The following GTF3C1 variants were observed in gnomAD, a reference collection of about 807,000 sequenced individuals.
GTF3C1 encodes general transcription factor 3C polypeptide 1.
GTF3C1 carries 57 observed loss-of-function variants against 226.7 expected under a neutral mutation model. The observed-to-expected ratio is 0.25, with a 90% CI of 0.20 to 0.31. GTF3C1 has a LOEUF of 0.31. GTF3C1 is among the 10% of genes least tolerant of loss of function. GTF3C1 has a pLI of 1.00. For synonymous variants in GTF3C1, 1,090 were observed against 1,084.8 expected (o/e 1.00, Z -0.09); for missense variants, 2,217 against 2,776.1 (o/e 0.80, Z 4.53).
chr16:27,531,162 C>T (rs1417332079), intron 5 of GTF3C1, among the ~76,000 whole-genome samples: 1 of 151,926 alleles, frequency 6.6e-6, no homozygotes, highest in Non-Finnish European at 1.5e-5. Context: ...CATTTCTACA[C>T]GGCCAGCAGC....
At chr16:27,478,426 A>T (rs372759760) in intron 28 of GTF3C1, 43 bp downstream of exon 28, 118 of 1,280,670 alleles carry the variant, frequency 9.2e-5, no homozygotes, top group Middle Eastern at 1.8e-4. Context: ...CCATCAAGTT[A>T]TTAAGCAGCT....
chr16:27,489,012 G>T (rs1382384565), intron 21 of GTF3C1, 31 bp downstream of exon 21: 1 of 1,605,570 alleles, frequency 6.2e-7, no homozygotes, highest in African/African-American at 1.3e-5. Flanking sequence ...GAGGACCCCT[G>T]AGATTGTAGT....
Position 27,483,054 on chromosome 16 carries a change from T to A in GTF3C1, c.4073A>T (p.Asp1358Val). The A allele has an allele frequency of 6.2e-7, 1 of 1,614,172 alleles. No homozygotes were observed. Residue 1358 changes from aspartate (D) to valine (V), a missense_variant, in exon 26 of 37, where the codon GAT becomes GTT. Physicochemically the swap from Asp to Val is radical, Grantham distance 152. This residue lies in a region of GTF3C1 where 546 missense variants were observed against 663.0 expected (regional missense o/e 0.82). Transcript: ENST00000356183. ...TCACACAGGACCTACCTTTGGGTCA[T>A]CATAGTCACCTCTTCGATTCATGAA... ...GDFMNRRGDY[D>V]DPKVCANEFK...
chr16:27,472,385 G>A (rs546655701), intron 29 of GTF3C1, among the ~76,000 whole-genome samples: 2 of 152,182 alleles, frequency 1.3e-5, no homozygotes, highest in East Asian at 3.9e-4. Context: ...TTCTCACCAT[G>A]GTCCCCAGCT....
Position 27,471,633 on chromosome 16 carries a change from T to C in GTF3C1, c.4526+115A>G, listed in dbSNP as rs931248173. On this transcript the variant is annotated intron_variant, in intron 30 of 36. Transcript: ENST00000356183. The surrounding 1 kb of genome is among the most constrained non-coding windows in gnomAD (Gnocchi z 5.0). ...CAAGCCGGCATCTTGCACATGAGGCTGCGAAGGTCCCTGGCTCCTACACGC... is the reference window on the plus strand; with the variant it reads ...CAAGCCGGCATCTTGCACATGAGGCCGCGAAGGTCCCTGGCTCCTACACGC... 1.0e-5 allele frequency: 8 copies of C among 788,538 alleles called. No homozygotes were observed. Among genetic ancestry groups the C allele is most frequent in the African/African-American group, 1.7e-5 (1 of 58,212 alleles). 48.8% of individuals were successfully genotyped at this position (788,538 alleles called of 1,614,324 possible).
chr16:27,494,963 G>T lies in GTF3C1; in HGVS notation c.2633-55C>A. The stretch of plus-strand genomic sequence containing the variant: ...CAGCCAGGATACCAGTCACCATGGT[G>T]ACACATGGTAACGTCATCTCCCAGG... On this transcript the variant is annotated intron_variant, in intron 15 of 36. Transcript: ENST00000356183. The T allele has an allele frequency of 1.2e-5, 18 of 1,504,556 alleles. No individual in the cohort carries two copies. The South Asian group carries it at 1.8e-4, about 15-fold the overall frequency. The allele number at this position is 1,504,556 out of a possible 1,614,324, so 93.2% of individuals were successfully genotyped here.
In GTF3C1 at chr16:27,494,757, CAAT is replaced by C. The variant is rs1194218477; in HGVS notation, c.2778+3_2778+5del. On this transcript the variant is annotated splice_donor_5th_base_variant and intron_variant, in intron 16 of 36. Coordinates refer to ENST00000356183, the MANE Select transcript of GTF3C1 (RefSeq NM_001520.4). ...TTCCTGTGATAATGGCTCCTGTCACCAATACCTTGTAGCTGACTTGCACAATCT... is the reference window on the plus strand; with the variant it reads ...TTCCTGTGATAATGGCTCCTGTCACCACCTTGTAGCTGACTTGCACAATCT... 3.1e-6 allele frequency: 5 copies of C among 1,609,178 alleles called. No individual in the cohort carries two copies. The highest frequency in any genetic ancestry group is 4.3e-6 in the Non-Finnish European group (5 of 1,175,602).
At chr16:27,478,810 G>GT (rs943712324) in intron 27 of GTF3C1, among the ~76,000 whole-genome samples, 4 of 149,994 alleles carry the variant, frequency 2.7e-5, no homozygotes, top group Non-Finnish European at 4.4e-5. Flanking sequence ...ACTGTTAATT[G>GT]TAAGAGGAAC....
chr16:27,516,722 A>G (rs1157704744), intron 6 of GTF3C1, among the ~76,000 whole-genome samples: 1 of 151,976 alleles, frequency 6.6e-6, no homozygotes, highest in Non-Finnish European at 1.5e-5. Flanking sequence ...GCAGCCTCGA[A>G]CTCCAGGGCT....
Position 27,497,884 on chromosome 16 carries a change from AGTCT to A in GTF3C1, c.2166-67_2166-64del. 2.2e-6 allele frequency: 3 copies of A among 1,365,012 alleles called. No homozygotes were observed. The Admixed American group carries it at 5.9e-5, about 27-fold the overall frequency. 84.6% of individuals were successfully genotyped at this position (1,365,012 alleles called of 1,614,324 possible). ...AATCAAGGGCTAAGAGAAAGGACAG[AGTCT>A]GTCTGCATGAATCAGATACAGCCTC... is the stretch of plus-strand genomic sequence containing the variant. On this transcript the variant is annotated intron_variant, in intron 13 of 36. Coordinates refer to ENST00000356183, the MANE Select transcript of GTF3C1 (RefSeq NM_001520.4).
At chr16:27,531,220 A>C (rs146742207) in intron 5 of GTF3C1, among the ~76,000 whole-genome samples, 1 of 152,226 alleles carries the variant, frequency 6.6e-6, no homozygotes, top group Non-Finnish European at 1.5e-5. Context: ...CTCCTCAGCC[A>C]GCACTCCAGT....
chr16:27,497,887 C>A, intron 13 of GTF3C1, 66 bp from the exon 14 acceptor site: 1 of 1,335,976 alleles, frequency 7.5e-7, no homozygotes, highest in South Asian at 1.3e-5. Context: ...AGGACAGAGT[C>A]TGTCTGCATG....
Position 27,506,842 on chromosome 16 carries a change from C to G in GTF3C1, c.1552+5G>C, listed in dbSNP as rs930830632. 6.2e-7 allele frequency: 1 copy of G among 1,600,258 alleles called. No homozygotes were observed. Among genetic ancestry groups the G allele is most frequent in the Non-Finnish European group, 8.5e-7 (1 of 1,172,700 alleles). ...CAGCCCCTGCCCACCCCACGTGCTC[C>G]CTACCCTTGGTTGGGGTGGAGTGAT... On this transcript the variant is annotated splice_donor_5th_base_variant and intron_variant, in intron 9 of 36. Coordinates refer to ENST00000356183, the MANE Select transcript of GTF3C1 (RefSeq NM_001520.4).
intron 6 of GTF3C1, among the ~76,000 whole-genome samples, chr16:27,523,835 T>A (rs1011403901): frequency 6.6e-6 from 1 of 151,856 alleles, no homozygotes; most frequent in African/African-American, 2.4e-5. Context: ...AGCAGAGAGG[T>A]GGGCAACAGT....
chr16:27,476,961 T>C (rs916915215), intron 28 of GTF3C1, among the ~76,000 whole-genome samples: 3 of 152,256 alleles, frequency 2.0e-5, no homozygotes, highest in Non-Finnish European at 4.4e-5. Flanking sequence ...GGAAAGCTCA[T>C]GGGTTCAGAG....
At chr16:27,467,621 G>A (rs1003204146) in intron 32 of GTF3C1, among the ~76,000 whole-genome samples, 16 of 152,288 alleles carry the variant, frequency 1.1e-4, no homozygotes, top group African/African-American at 3.9e-4. Context: ...TGTAATCCCA[G>A]CACTTTGGGA....
intron 19 of GTF3C1, among the ~76,000 whole-genome samples, chr16:27,491,017 T>C (rs959950696): frequency 2.0e-5 from 3 of 152,220 alleles, no homozygotes; most frequent in African/African-American, 7.2e-5. Context: ...AGATATAAAA[T>C]GCAGGGGAAT....
chr16:27,462,318 G>C lies in GTF3C1; in HGVS notation c.6093C>G (p.Pro2031=). 1 of 1,558,476 alleles carries C rather than the reference G, an allele frequency of 6.4e-7. No homozygotes were observed. Among genetic ancestry groups the C allele is most frequent in the Non-Finnish European group, 8.7e-7 (1 of 1,151,590 alleles). Residue 2031 remains proline (P), a synonymous_variant, in exon 36 of 37, where the codon CCC becomes CCG. Coordinates refer to ENST00000356183, the MANE Select transcript of GTF3C1 (RefSeq NM_001520.4). This position sits in a 1 kb window ranked among gnomAD's most constrained non-coding sequence, Gnocchi z 4.5. ...CCTGGAGCAACTCCAGCACGGCGAC[G>C]GGCTGCAGGACCCCCTGGTAGTGGC... ...LLRHYQGVLQ[P]VAVLELLQGL... is the part of the protein sequence containing the mutation.
At chr16:27,518,159 AGT>A (rs2088690019) in intron 6 of GTF3C1, among the ~76,000 whole-genome samples, 1 of 152,092 alleles carries the variant, frequency 6.6e-6, no homozygotes, top group Admixed American at 6.6e-5. Flanking sequence ...ATGTAAATTC[AGT>A]GTTACCTCCC....
Sources: gnomAD v4.1 joint callset for allele counts (sites outside exome capture counted in the v4.1 genomes callset) on GRCh38, gnomAD v4.1.1 for gene constraint, gnomAD v4.1.1 regional missense constraint, Gnocchi (gnomAD v3.1) non-coding constraint, MANE v1.5 for transcripts, NCBI Gene and HGNC (gene_info 2026-07-23, HGNC 2026-07-21) for gene names.